THSD7B: variants seen among roughly 807,000 people sequenced by gnomAD.
The protein encoded by THSD7B is thrombospondin type-1 domain-containing protein 7B.
A neutral mutation model predicts 213.6 loss-of-function variants in THSD7B; 138 were observed. The observed-to-expected ratio is 0.65, with a 90% CI of 0.56 to 0.74. THSD7B has a LOEUF of 0.74. Among genes scored for constraint, THSD7B ranks in the 30% least tolerant of loss-of-function variants. The pLI is 0.00. For missense variants in THSD7B, 1,931 were observed against 1,991.5 expected, an observed-to-expected ratio of 0.97 and a Z score of 0.58; for synonymous variants, 742 against 687.0, an observed-to-expected ratio of 1.08 and a Z score of -1.25.
chr2:137,536,769 T>C (rs1680515052), intron 15 of THSD7B, among the ~76,000 whole-genome samples: 1 of 151,762 alleles, frequency 6.6e-6, no homozygotes, highest in South Asian at 2.1e-4. Flanking sequence ...TCTAATGTGA[T>C]TGATGCTTCT....
At chr2:137,207,332 T>C (rs1179910845) in intron 7 of THSD7B, among the ~76,000 whole-genome samples, 2 of 152,086 alleles carry the variant, frequency 1.3e-5, no homozygotes, top group African/African-American at 2.4e-5. Flanking sequence ...TCTAGGTCTT[T>C]CTGGTGCAAA....
intron 2 of THSD7B, among the ~76,000 whole-genome samples, chr2:136,960,164 G>A (rs1213261531): frequency 6.6e-6 from 1 of 152,000 alleles, no homozygotes; most frequent in Non-Finnish European, 1.5e-5. Flanking sequence ...GTCTCACTCT[G>A]TTACCCAGGC....
chr2:137,611,790 G>T (rs1682294449), intron 17 of THSD7B, among the ~76,000 whole-genome samples: 2 of 151,984 alleles, frequency 1.3e-5, no homozygotes, highest in Admixed American at 6.6e-5. Flanking sequence ...TTGTGTGGAG[G>T]GTGAAATAGC....
intron 3 of THSD7B, among the ~76,000 whole-genome samples, chr2:137,065,181 T>C (rs2104885476): frequency 6.6e-6 from 1 of 152,178 alleles, no homozygotes; most frequent in South Asian, 2.1e-4. Flanking sequence ...TGTGCCCTCT[T>C]CAATTTTCTC....
chr2:137,216,710 T>A (rs1177560050), intron 7 of THSD7B, among the ~76,000 whole-genome samples: 2 of 152,160 alleles, frequency 1.3e-5, no homozygotes, highest in African/African-American at 4.8e-5. Flanking sequence ...ACTTTCATAG[T>A]TTGTGAAATT....
In THSD7B at chr2:137,544,885, C is replaced by T. The variant is rs531019222; in HGVS notation, c.3139-18336C>T. ...CATTATTGTAGAATTGTACATGCCT[C>T]CTCATACTATTATGAGAAATAGCAG... On this transcript the variant is annotated intron_variant, in intron 15 of 27. Transcript: ENST00000409968. 2.6e-5 allele frequency among the ~76,000 whole-genome samples: 4 copies of T among 151,864 alleles called. No homozygotes were observed. The South Asian group carries it at 8.3e-4, about 32-fold the overall frequency.
At chr2:136,966,392 G>GT (rs1685314148) in intron 2 of THSD7B, among the ~76,000 whole-genome samples, 1 of 151,804 alleles carries the variant, frequency 6.6e-6, no homozygotes, top group Non-Finnish European at 1.5e-5. Context: ...TAGTTTTTGT[G>GT]TTTTTGTAGA....
At chr2:137,331,066 A>G (rs1558760373) in intron 12 of THSD7B, among the ~76,000 whole-genome samples, 1 of 152,142 alleles carries the variant, frequency 6.6e-6, no homozygotes, top group Non-Finnish European at 1.5e-5. Flanking sequence ...AGCTAGATGC[A>G]GGGTGCTGAT....
chr2:136,796,195 A>T (rs1050875934), intron 1 of THSD7B, among the ~76,000 whole-genome samples: 4 of 151,886 alleles, frequency 2.6e-5, no homozygotes, highest in Admixed American at 2.6e-4. Context: ...TGACCTCTAC[A>T]ACTATCCTAA....
intron 5 of THSD7B, among the ~76,000 whole-genome samples, chr2:137,152,130 A>G (rs1679831431): frequency 6.6e-6 from 1 of 152,012 alleles, no homozygotes; most frequent in Admixed American, 6.6e-5. Flanking sequence ...TAAAATGAAA[A>G]TAGTCAATAT....
chr2:137,050,904 T>A (rs571524401), intron 2 of THSD7B, among the ~76,000 whole-genome samples: 2 of 152,360 alleles, frequency 1.3e-5, no homozygotes, highest in South Asian at 4.1e-4. Context: ...AATGCGTAAC[T>A]CAGTAATGGA....
intron 15 of THSD7B, among the ~76,000 whole-genome samples, chr2:137,547,957 AGATC>A (rs1363498089): frequency 4.6e-5 from 7 of 152,030 alleles, no homozygotes; most frequent in African/African-American, 1.7e-4. Context: ...AATTCAGGTC[AGATC>A]CAGTTTTGTG....
In THSD7B at chr2:137,200,954, G is replaced by A. The variant is rs1680864996; in HGVS notation, c.1723+30016G>A. On this transcript the variant is annotated intron_variant, in intron 7 of 27. Transcript: ENST00000409968. ...AAAGCACTGGGATTATAGGTATAGA[G>A]CCACTCACCCAGCAAAACCTGTATT... is the stretch of plus-strand genomic sequence containing the variant. 1.3e-5 allele frequency among the ~76,000 whole-genome samples: 2 copies of A among 152,132 alleles called. 1 individual carries two copies. Among genetic ancestry groups the A allele is most frequent in the South Asian group, 4.1e-4 (2 of 4,832 alleles).
At chr2:137,614,422 G>A (rs1478848339) in intron 17 of THSD7B, among the ~76,000 whole-genome samples, 1 of 152,100 alleles carries the variant, frequency 6.6e-6, no homozygotes, top group Non-Finnish European at 1.5e-5. Context: ...ACACTAAGCA[G>A]GTACCTAAGC....
At chr2:137,674,282 C>T (rs1003801791) in intron 27 of THSD7B, among the ~76,000 whole-genome samples, 2 of 77,972 alleles carry the variant, frequency 2.6e-5, no homozygotes, top group African/African-American at 6.9e-5. Flanking sequence ...TTTCTTACCC[C>T]TCTCTTCTTC....
intron 2 of THSD7B, among the ~76,000 whole-genome samples, chr2:136,950,776 G>A (rs138642022): frequency 3.7e-4 from 56 of 152,274 alleles, no homozygotes; most frequent in Non-Finnish European, 3.2e-4. Flanking sequence ...TATTTTGCAC[G>A]ATCCCATCAA....
At chr2:137,026,006 C>G (rs759777687) in intron 2 of THSD7B, among the ~76,000 whole-genome samples, 1 of 152,144 alleles carries the variant, frequency 6.6e-6, no homozygotes, top group Non-Finnish European at 1.5e-5. Flanking sequence ...TCTCAAAGTC[C>G]AGAATCTCTG....
At chr2:137,531,645 C>A (rs1680399466) in intron 15 of THSD7B, among the ~76,000 whole-genome samples, 1 of 151,948 alleles carries the variant, frequency 6.6e-6, no homozygotes, top group African/African-American at 2.4e-5. Context: ...TGACCAGTTA[C>A]ACCTGCAGTT....
At chr2:136,967,766 G>A (rs1372174921) in intron 2 of THSD7B, among the ~76,000 whole-genome samples, 2 of 152,100 alleles carry the variant, frequency 1.3e-5, no homozygotes, top group Non-Finnish European at 2.9e-5. Flanking sequence ...CACTTTCCTT[G>A]ATGTTTGTAA....
Sources: gnomAD v4.1 joint callset for allele counts (sites outside exome capture counted in the v4.1 genomes callset) on GRCh38, gnomAD v4.1.1 for gene constraint, MANE v1.5 for transcripts, NCBI Gene and HGNC (gene_info 2026-07-23, HGNC 2026-07-21) for gene names.